BRSK2: variants seen among roughly 807,000 people sequenced by gnomAD.
BRSK2 encodes BR serine/threonine kinase 2, also known as serine/threonine-protein kinase BRSK2.
BRSK2 carries 19 observed loss-of-function variants against 83.3 expected under a neutral mutation model. The ratio of observed to expected loss-of-function variants is 0.23; its 90% CI spans 0.16 to 0.33. The LOEUF (loss-of-function observed/expected upper bound fraction) is 0.33. BRSK2 is among the 10% of genes least tolerant of loss of function. The pLI is 1.00. For synonymous variants in BRSK2, 519 were observed against 435.4 expected, an observed-to-expected ratio of 1.19 and a Z score of -2.39; for missense variants, 798 against 1,042.3, an observed-to-expected ratio of 0.77 and a Z score of 3.23.
chr11:1,442,587 C>T lies in BRSK2; in HGVS notation c.511C>T (p.Leu171=), dbSNP rs1454228501. The change falls in exon 5 of 20, where the codon CTG becomes TTG. Residue 171 remains leucine (L), a synonymous_variant. Coordinates refer to ENST00000528841, the MANE Select transcript of BRSK2 (RefSeq NM_001256627.2). Reference sequence around the variant, plus strand: ...GGCGTCCCTGCAGGTTGGCGACAGCCTGTTGGAGACCAGCTGTGGGTACGT... The same window carrying T: ...GGCGTCCCTGCAGGTTGGCGACAGCTTGTTGGAGACCAGCTGTGGGTACGT... ...GMASLQVGDS[L]LETSCGSPHY... 4 of 1,612,466 alleles carry T rather than the reference C, an allele frequency of 2.5e-6. No homozygotes were observed. The highest frequency in any genetic ancestry group is 3.4e-6 in the Non-Finnish European group (4 of 1,179,360).
At chr11:1,460,293 G>A (rs539470464) in intron 19 of BRSK2, among the ~76,000 whole-genome samples, 16 of 152,184 alleles carry the variant, frequency 1.1e-4, no homozygotes, top group South Asian at 1.0e-3. Flanking sequence ...CCTGCCGGCC[G>A]CCGCCTGCCC....
intron 8 of BRSK2, 119 bp from the exon 9 acceptor site, chr11:1,444,852 G>C: frequency 2.4e-6 from 2 of 823,550 alleles, no homozygotes; most frequent in Admixed American, 2.0e-5. Flanking sequence ...CCACTCACTT[G>C]CCCTCACCCT....
rs1846282469 is a variant in BRSK2 at position 1,454,834 on chromosome 11, G to T, written c.1668+226G>T. On this transcript the variant is annotated intron_variant, in intron 16 of 19. Coordinates refer to ENST00000528841, the MANE Select transcript of BRSK2 (RefSeq NM_001256627.2). The surrounding 1 kb of genome is among the most constrained non-coding windows in gnomAD (Gnocchi z 5.2). ...ATCTGGGGTGCTTGGCCTGCGGAGGGAGTCAGGGCTTTGCTCACTGGTCCC... is the reference window on the plus strand; with the variant it reads ...ATCTGGGGTGCTTGGCCTGCGGAGGTAGTCAGGGCTTTGCTCACTGGTCCC... Among the ~76,000 whole-genome samples the T allele has an allele frequency of 6.6e-6, 1 of 152,222 alleles. No individual in the cohort carries two copies. Among genetic ancestry groups the T allele is most frequent in the Non-Finnish European group, 1.5e-5 (1 of 68,042 alleles).
chr11:1,435,587 G>T (rs1451552777), intron 1 of BRSK2, among the ~76,000 whole-genome samples: 2 of 141,666 alleles, frequency 1.4e-5, no homozygotes, highest in Non-Finnish European at 3.1e-5. Flanking sequence ...CTCGGCGGAG[G>T]AGGGGTGTCG....
rs567209661 is a variant in BRSK2 at position 1,411,334 on chromosome 11, C to G, written c.91+20959C>G. ...TGGGGTCCTGAAGCTGGGGCCGGAG[C>G]AGGGGGCACAGTTCTGCCCCATCTG... On this transcript the variant is annotated intron_variant, in intron 1 of 19. Transcript: ENST00000528841. The G allele has an allele frequency of 4.9e-5, 68 of 1,384,550 alleles. 1 individual carries two copies. In the Middle Eastern group the frequency reaches 6.4e-4, roughly 13 times the overall value. The allele number at this position is 1,384,550 out of a possible 1,614,324, so 85.8% of individuals were successfully genotyped here.
At chr11:1,399,332 C>T (rs1409291409) in intron 1 of BRSK2, among the ~76,000 whole-genome samples, 1 of 152,136 alleles carries the variant, frequency 6.6e-6, no homozygotes, top group Non-Finnish European at 1.5e-5. Flanking sequence ...CTTGCTGGGA[C>T]TGAGCCCAGG....
At chr11:1,436,815 T>C (rs1850368462) in intron 2 of BRSK2, among the ~76,000 whole-genome samples, 1 of 151,980 alleles carries the variant, frequency 6.6e-6, no homozygotes, top group South Asian at 2.1e-4. Flanking sequence ...CATTCGCTCC[T>C]TGGCATGCAG....
chr11:1,454,280 T>C lies in BRSK2; in HGVS notation c.1545-205T>C, dbSNP rs1281332938. On this transcript the variant is annotated intron_variant, in intron 15 of 19. Coordinates refer to ENST00000528841, the MANE Select transcript of BRSK2 (RefSeq NM_001256627.2). The surrounding 1 kb of genome is among the most constrained non-coding windows in gnomAD (Gnocchi z 5.2). Reference sequence around the variant, plus strand: ...GAAAGGTTAGGGTTGGGGTTGGGGTTAGAGCCACGGTGATGGTCAGGGCAT... The same window carrying C: ...GAAAGGTTAGGGTTGGGGTTGGGGTCAGAGCCACGGTGATGGTCAGGGCAT... The C allele has an allele frequency of 1.8e-5, 10 of 566,828 alleles. No homozygotes were observed. The highest frequency in any genetic ancestry group is 3.1e-5 in the Non-Finnish European group (10 of 319,436). The allele number at this position is 566,828 out of a possible 1,614,324, so 35.1% of individuals were successfully genotyped here.
intron 16 of BRSK2, 32 bp from the exon 17 acceptor site, chr11:1,456,316 C>G: frequency 6.6e-7 from 1 of 1,521,168 alleles, no homozygotes; most frequent in Non-Finnish European, 8.8e-7. Context: ...ACCTGCCAGG[C>G]CAGCCACGCT....
At chr11:1,404,229 TGCGC>T (rs1456481690) in intron 1 of BRSK2, among the ~76,000 whole-genome samples, 2 of 152,128 alleles carry the variant, frequency 1.3e-5, no homozygotes, top group Non-Finnish European at 2.9e-5. Flanking sequence ...GCAATCTGGG[TGCGC>T]GGAGCTGTGT....
At chr11:1,456,239 T>C (rs746860413) in intron 16 of BRSK2, 109 bp from the exon 17 acceptor site, 211 of 1,164,138 alleles carry the variant, frequency 1.8e-4, no homozygotes, top group Non-Finnish European at 2.3e-4. Context: ...GGTGCCTGGG[T>C]GCTCACAATG....
intron 1 of BRSK2, among the ~76,000 whole-genome samples, chr11:1,397,813 T>C (rs1368682155): frequency 6.6e-6 from 1 of 151,382 alleles, no homozygotes; most frequent in South Asian, 2.1e-4. Flanking sequence ...CTGAGGGGAA[T>C]GGACACTTCT....
At chr11:1,441,041 G>A in intron 4 of BRSK2, 113 bp downstream of exon 4, 2 of 910,356 alleles carry the variant, frequency 2.2e-6, no homozygotes, top group Non-Finnish European at 1.6e-6. Flanking sequence ...CTATTCCGAG[G>A]TACACCATGC....
chr11:1,411,311 G>A, intron 1 of BRSK2: 5 of 1,343,258 alleles, frequency 3.7e-6, no homozygotes, highest in Non-Finnish European at 9.5e-7. Context: ...TGCCCGGGTG[G>A]GGTCCTGAAG....
At chr11:1,402,474 C>A (rs982279556) in intron 1 of BRSK2, among the ~76,000 whole-genome samples, 1 of 152,248 alleles carries the variant, frequency 6.6e-6, no homozygotes, top group Non-Finnish European at 1.5e-5. Context: ...GCCCCGCCTC[C>A]GGGGAGGAGC....
In BRSK2 at chr11:1,450,257, G is replaced by A. The variant is rs1403736121; in HGVS notation, c.1288-330G>A. Among the ~76,000 whole-genome samples, 14 of 132,236 alleles carry A rather than the reference G, an allele frequency of 1.1e-4. No individual in the cohort carries two copies. The East Asian group carries it at 2.6e-3, about 24-fold the overall frequency. The allele number at this position is 132,236 out of a possible 152,430, so 86.8% of individuals were successfully genotyped here. ...GCTTGTCCTGCCCCCACCGCCCCCCGAGCCGCCCTTCGTGGCCCGCCCCCT... is the reference window on the plus strand; with the variant it reads ...GCTTGTCCTGCCCCCACCGCCCCCCAAGCCGCCCTTCGTGGCCCGCCCCCT... On this transcript the variant is annotated intron_variant, in intron 13 of 19. Transcript: ENST00000528841.
chr11:1,411,796 G>C (rs1847534408), intron 1 of BRSK2, among the ~76,000 whole-genome samples: 1 of 152,212 alleles, frequency 6.6e-6, no homozygotes, highest in Admixed American at 6.5e-5. Context: ...GGCGCTGCCT[G>C]CCCCTATGTG....
chr11:1,397,950 C>A (rs1590304713), intron 1 of BRSK2, among the ~76,000 whole-genome samples: 1 of 152,214 alleles, frequency 6.6e-6, no homozygotes, highest in African/African-American at 2.4e-5. Context: ...AGCTGGAGCC[C>A]AGGGCCCTGG....
chr11:1,411,441 C>T lies in BRSK2; in HGVS notation c.91+21066C>T, dbSNP rs571132239. 210 of 1,468,342 alleles carry T rather than the reference C, an allele frequency of 1.4e-4. 5 individuals are homozygous for T. In the South Asian group the frequency reaches 2.8e-3, roughly 19 times the overall value. The allele number at this position is 1,468,342 out of a possible 1,614,324, so 91.0% of individuals were successfully genotyped here. A position where few individuals can be genotyped will look rare whatever the true frequency, so the allele number is the denominator to read the frequency against. ...GGGCCACCCCAGCCGATGGGCACGTCCCCGCCGGCCCTGCATCTGTCCTTC... is the reference window on the plus strand; with the variant it reads ...GGGCCACCCCAGCCGATGGGCACGTTCCCGCCGGCCCTGCATCTGTCCTTC... On this transcript the variant is annotated intron_variant, in intron 1 of 19. Transcript: ENST00000528841.
Sources: gnomAD v4.1 joint callset for allele counts (sites outside exome capture counted in the v4.1 genomes callset) on GRCh38, gnomAD v4.1.1 for gene constraint, Gnocchi (gnomAD v3.1) non-coding constraint, MANE v1.5 for transcripts, NCBI Gene and HGNC (gene_info 2026-07-23, HGNC 2026-07-21) for gene names.